PAIP1: variants seen among roughly 807,000 people sequenced by gnomAD.
PAIP1 encodes polyadenylate-binding protein-interacting protein 1.
A neutral mutation model predicts 61.3 loss-of-function variants in PAIP1; 16 were observed. The ratio of observed to expected loss-of-function variants is 0.26; its 90% CI spans 0.18 to 0.40. The LOEUF (loss-of-function observed/expected upper bound fraction) is 0.40, where lower values mean the gene tolerates loss of function less well. PAIP1 is among the 10% of genes least tolerant of loss of function. The pLI is 1.00. For synonymous variants in PAIP1, 187 were observed against 226.2 expected, an observed-to-expected ratio of 0.83 and a Z score of 1.56; for missense variants, 416 against 600.9, an observed-to-expected ratio of 0.69 and a Z score of 3.22.
chr5:43,542,407 C>T (rs1183388348), intron 4 of PAIP1, among the ~76,000 whole-genome samples: 5 of 151,250 alleles, frequency 3.3e-5, no homozygotes, highest in African/African-American at 1.2e-4. Flanking sequence ...TGGCGGGTGC[C>T]TGTAGTCCCA....
Position 43,556,824 on chromosome 5 carries a change from GC to G in PAIP1, c.22del (p.Ala8ProfsTer87). The G allele has an allele frequency of 2.1e-6, 3 of 1,452,840 alleles. No homozygotes were observed. The highest frequency in any genetic ancestry group is 9.0e-7 in the Non-Finnish European group (1 of 1,105,124). The allele number at this position is 1,452,840 out of a possible 1,614,324, so 90.0% of individuals were successfully genotyped here. On this transcript the variant is annotated frameshift_variant, in exon 1 of 11. Transcript: ENST00000306846. LOFTEE classifies it high-confidence loss of function. ...GCTCCGGCCCCGACCAGCACCTGGG[GC>G]CCGATCGAAACCGTCCGACATGCTC... MSDGFDR[A>X]PGAGRGRSRG...
chr5:43,552,473 C>T (rs944395778), intron 2 of PAIP1, among the ~76,000 whole-genome samples: 5 of 151,982 alleles, frequency 3.3e-5, no homozygotes, highest in Admixed American at 1.3e-4. Context: ...ATGGAATAGG[C>T]GGGATTAGCA....
intron 1 of PAIP1, chr5:43,556,293 G>C (rs979139049): frequency 7.9e-7 from 1 of 1,258,662 alleles, no homozygotes; most frequent in Non-Finnish European, 1.0e-6. Context: ...CTAGGGTCTC[G>C]CTTTAGAGGG....
intron 9 of PAIP1, among the ~76,000 whole-genome samples, chr5:43,532,365 GAC>G (rs1746978074): frequency 6.6e-6 from 1 of 152,062 alleles, no homozygotes; most frequent in South Asian, 2.1e-4. Context: ...ACAGGAATAA[GAC>G]ACAATTTGAT....
rs1746749557 is a variant in PAIP1 at position 43,527,403 on chromosome 5, C to T, written c.1413G>A (p.Leu471=). ...EIEEAYEKFC[L]ESERKRKQ Reference sequence around the variant, plus strand: ...ACTGTTTTCGCTTACGCTCTGATTCCAAACAAAACTTTTCATAAGCTTCTT... The same window carrying T: ...ACTGTTTTCGCTTACGCTCTGATTCTAAACAAAACTTTTCATAAGCTTCTT... Residue 471 remains leucine, a synonymous_variant, in exon 11 of 11, where the codon TTG becomes TTA. Coordinates refer to ENST00000306846, the MANE Select transcript of PAIP1 (RefSeq NM_006451.5). 3 of 1,599,842 alleles carry T rather than the reference C, an allele frequency of 1.9e-6. No individual in the cohort carries two copies. In the South Asian group the frequency reaches 3.4e-5, roughly 18 times the overall value.
chr5:43,529,245 C>T (rs1038702568), intron 10 of PAIP1, among the ~76,000 whole-genome samples: 6 of 151,488 alleles, frequency 4.0e-5, no homozygotes, highest in Non-Finnish European at 5.9e-5. Flanking sequence ...AGTCTAAATA[C>T]AATAGAATCT....
intron 9 of PAIP1, among the ~76,000 whole-genome samples, chr5:43,532,544 C>T (rs1746983086): frequency 6.6e-6 from 1 of 152,046 alleles, no homozygotes; most frequent in Admixed American, 6.6e-5. Context: ...TAAAAAAGAA[C>T]AATGATTTTT....
chr5:43,526,352 A>T lies in PAIP1; in HGVS notation c.*1024T>A, dbSNP rs1746710177. The T allele has an allele frequency of 6.6e-6, 1 of 152,506 alleles. No individual in the cohort carries two copies. The highest frequency in any genetic ancestry group is 2.4e-5 in the African/African-American group (1 of 41,422). The allele number at this position is 152,506 out of a possible 1,614,324, so 9.4% of individuals were successfully genotyped here. ...AAACAAGCAGAAAAGTGAGAAAGCT[A>T]ACTGTATTAGCAGACACAGATGTAC... On this transcript the variant is annotated 3_prime_UTR_variant, in exon 11 of 11. Transcript: ENST00000306846.
rs1208468031 is a variant in PAIP1, at chr5:43,557,025, CGAGCACCCGCCGCTCCA to C, written c.-196_-180del. ...GCTTCTGGCGGAGCGGACGGCAGCC[CGAGCACCCGCCGCTCCA>C]GAGCGCCCGCCCCGCTCGGCTACCC... is the stretch of plus-strand genomic sequence containing the variant. On this transcript the variant is annotated 5_prime_UTR_variant, in exon 1 of 11. Coordinates refer to ENST00000306846, the MANE Select transcript of PAIP1 (RefSeq NM_006451.5). 3.2e-5 allele frequency: 35 copies of C among 1,108,916 alleles called. No homozygotes were observed. In the Middle Eastern group the frequency reaches 1.0e-3, roughly 32 times the overall value. The allele number at this position is 1,108,916 out of a possible 1,614,324, so 68.7% of individuals were successfully genotyped here. A position where few individuals can be genotyped will look rare whatever the true frequency, so the allele number is the denominator to read the frequency against.
intron 3 of PAIP1, 28 bp from the exon 4 acceptor site, chr5:43,543,144 G>T: frequency 1.8e-6 from 2 of 1,125,234 alleles, no homozygotes; most frequent in South Asian, 1.3e-5. Flanking sequence ...AGTGTTATAT[G>T]ACATAGGTAC....
At chr5:43,533,924 C>T (rs1747045351) in intron 8 of PAIP1, 132 bp from the exon 9 acceptor site, 1 of 648,828 alleles carries the variant, frequency 1.5e-6, no homozygotes, top group Admixed American at 2.6e-5. Context: ...ACCTAACTTC[C>T]TGGTAGCCAT....
intron 3 of PAIP1, among the ~76,000 whole-genome samples, chr5:43,547,101 A>AT (rs1251089919): frequency 6.8e-6 from 1 of 146,278 alleles, no homozygotes; most frequent in African/African-American, 2.5e-5. Context: ...ATATGCTGGG[A>AT]TAAAAACTAA....
chr5:43,547,728 C>G lies in PAIP1; in HGVS notation c.621G>C (p.Gln207His). The G allele has an allele frequency of 6.3e-7, 1 of 1,598,802 alleles. No individual in the cohort carries two copies. The highest frequency in any genetic ancestry group is 8.5e-7 in the Non-Finnish European group (1 of 1,170,536). ...LQELVELIYQ[Q>H]ATSIPNFSYM... ...CACTGCATGCTATAAGCCAACATAC[C>G]TGTTGATAGATGAGTTCCACAAGTT... The change falls in exon 3 of 11, where the codon CAG becomes CAC. Residue 207 changes from glutamine (Q) to histidine (H), a missense_variant and splice_region_variant. By Grantham distance (24) the Gln-to-His change is conservative. Around this residue, in one of 4 missense-constraint regions of PAIP1, gnomAD observed 180 missense variants for 211.2 expected, o/e 0.85. Transcript: ENST00000306846.
chr5:43,538,529 T>G (rs1747249342), intron 5 of PAIP1, among the ~76,000 whole-genome samples: 1 of 152,184 alleles, frequency 6.6e-6, no homozygotes, highest in African/African-American at 2.4e-5. Context: ...GACTCTAGTC[T>G]CTCTTTTCAC....
chr5:43,550,363 A>G (rs748378143), intron 2 of PAIP1, among the ~76,000 whole-genome samples: 4 of 143,464 alleles, frequency 2.8e-5, no homozygotes, highest in Non-Finnish European at 6.1e-5. Flanking sequence ...CAACAAATGA[A>G]TTACATTTTA....
At chr5:43,552,192 G>T (rs142783357) in intron 2 of PAIP1, among the ~76,000 whole-genome samples, 5 of 152,266 alleles carry the variant, frequency 3.3e-5, no homozygotes, top group African/African-American at 9.6e-5. Context: ...ATATAGTCAC[G>T]ACTACTTTAG....
intron 3 of PAIP1, among the ~76,000 whole-genome samples, chr5:43,544,150 A>ATT (rs1561234711): frequency 7.3e-6 from 1 of 136,630 alleles, no homozygotes; most frequent in East Asian, 2.7e-4. Flanking sequence ...TCTTTTTAAA[A>ATT]AAAAAAAAAA....
At chr5:43,557,097 G>A (rs978465542), upstream of PAIP1, 3 of 621,796 alleles carry the variant, frequency 4.8e-6, no homozygotes, top group African/African-American at 1.9e-5. Flanking sequence ...CCAAAACCCG[G>A]CTCCCCGCCT....
intron 1 of PAIP1, chr5:43,556,270 A>G: frequency 3.9e-6 from 5 of 1,272,510 alleles, no homozygotes; most frequent in Non-Finnish European, 4.9e-6. Context: ...GGTGGAAAAG[A>G]GGTGGTTACT....
Sources: gnomAD v4.1 joint callset for allele counts (sites outside exome capture counted in the v4.1 genomes callset) on GRCh38, gnomAD v4.1.1 for gene constraint, gnomAD v4.1.1 regional missense constraint, MANE v1.5 for transcripts, NCBI Gene and HGNC (gene_info 2026-07-23, HGNC 2026-07-21) for gene names.